Variants in ERCC3 observed in about 807,000 individuals in gnomAD.
The protein encoded by ERCC3 is general transcription and DNA repair factor IIH helicase/translocase subunit XPB.
A neutral mutation model predicts 94.2 loss-of-function variants in ERCC3; 66 were observed. The ratio of observed to expected loss-of-function variants is 0.70; its 90% CI spans 0.57 to 0.86. The LOEUF is 0.86. Among genes scored for constraint, ERCC3 ranks in the 40% least tolerant of loss-of-function variants. ERCC3 has a pLI of 0.00. For missense variants in ERCC3, 829 were observed against 987.1 expected, an observed-to-expected ratio of 0.84 and a Z score of 2.15; for synonymous variants, 349 against 369.1, an observed-to-expected ratio of 0.95 and a Z score of 0.63.
At position 127,277,186 on chromosome 2, in the gene ERCC3, C is replaced by T. The variant is rs1400311058; in HGVS notation, c.1730+1987G>A. 2.0e-5 allele frequency among the ~76,000 whole-genome samples: 3 copies of T among 152,128 alleles called. No homozygotes were observed. The South Asian group carries it at 6.2e-4, about 31-fold the overall frequency. On this transcript the variant is annotated intron_variant, in intron 10 of 14. Transcript: ENST00000285398. The surrounding 1 kb of genome is among the most constrained non-coding windows in gnomAD (Gnocchi z 5.1). ...AGCTGGTGGTGTCTCTAGTCCTAGA[C>T]AGCAAGCAGGCCAGAACAGAGTAAG...
chr2:127,292,199 T>C (rs757062060), intron 3 of ERCC3: 1 of 332,100 alleles, frequency 3.0e-6, no homozygotes, highest in Non-Finnish European at 5.9e-6. Context: ...TCCAAATACA[T>C]TACCATTGGA....
intron 12 of ERCC3, 169 bp from the exon 13 acceptor site, chr2:127,261,515 T>A: frequency 1.5e-6 from 1 of 686,472 alleles, no homozygotes; most frequent in Non-Finnish European, 2.7e-6. Context: ...AAGTCTTTTG[T>A]GCTTCCAAGG....
rs1684665590 is a variant in ERCC3, at chr2:127,274,330, AG to A, written c.1731-1370del. 6.6e-6 allele frequency among the ~76,000 whole-genome samples: 1 copy of A among 151,558 alleles called. No homozygotes were observed. The highest frequency in any genetic ancestry group is 2.4e-5 in the African/African-American group (1 of 41,254). ...ACTCCGTCTCAGAAAAAAAAAAAAAAGAAAAAGAAAAGAAAAAAATCCAGCC... is the reference window on the plus strand; with the variant it reads ...ACTCCGTCTCAGAAAAAAAAAAAAAAAAAAAGAAAAGAAAAAAATCCAGCC... On this transcript the variant is annotated intron_variant, in intron 10 of 14. Coordinates refer to ENST00000285398, the MANE Select transcript of ERCC3 (RefSeq NM_000122.2). This position sits in a 1 kb window ranked among gnomAD's most constrained non-coding sequence, Gnocchi z 4.0.
At chr2:127,290,334 C>T (rs1685225671) in intron 3 of ERCC3, 61 bp from the exon 4 acceptor site, 1 of 1,305,870 alleles carries the variant, frequency 7.7e-7, no homozygotes, top group South Asian at 1.2e-5. Flanking sequence ...ACATTCATTA[C>T]TGGTCACATC....
intron 13 of ERCC3, chr2:127,260,979 C>T: frequency 2.0e-6 from 1 of 505,660 alleles, no homozygotes; most frequent in South Asian, 2.0e-5. Context: ...GAGAAAGCAG[C>T]CCTGCGGGGC....
rs763746043 is a variant in ERCC3 at position 127,293,532 on chromosome 2, G to A, written c.215C>T (p.Thr72Ile). The A allele has an allele frequency of 2.5e-6, 4 of 1,614,040 alleles. No homozygotes were observed. The highest frequency in any genetic ancestry group is 2.5e-6 in the Non-Finnish European group (3 of 1,180,038). ...RLQMPLKDDH[T>I]SRPLWVAPDG... Reference sequence around the variant, plus strand: ...GCTTACCACCCAGAGGGGCCTGGAGGTGTGGTCGTCCTTCAGCGGCATTTG... The same window carrying A: ...GCTTACCACCCAGAGGGGCCTGGAGATGTGGTCGTCCTTCAGCGGCATTTG... Residue 72 changes from threonine (T) to isoleucine (I), a missense_variant, in exon 2 of 15, where the codon ACC (threonine) becomes ATC (isoleucine). Coordinates refer to ENST00000285398, the MANE Select transcript of ERCC3 (RefSeq NM_000122.2).
chr2:127,286,712 T>G lies in ERCC3; in HGVS notation c.1333A>C (p.Thr445Pro). ...WGLMILDEVH[T>P]IPAKMFRRVL... ...GCTCCAGCCTGCTTACCTGGTATGG[T>G]GTGCACTTCATCCAGGATCATGAGG... Residue 445 changes from threonine (T) to proline (P), a missense_variant, in exon 8 of 15, where the codon ACC (threonine) becomes CCC (proline). Transcript: ENST00000285398. The G allele has an allele frequency of 3.7e-6, 6 of 1,613,884 alleles. No homozygotes were observed. Among genetic ancestry groups the G allele is most frequent in the Non-Finnish European group, 5.1e-6 (6 of 1,179,876 alleles).
At chr2:127,268,314 C>T (rs773831253) in intron 12 of ERCC3, among the ~76,000 whole-genome samples, 1 of 151,566 alleles carries the variant, frequency 6.6e-6, no homozygotes. Context: ...GGTGGAATAC[C>T]GTGGTGAGAT....
chr2:127,286,823 T>A lies in ERCC3; in HGVS notation c.1222A>T (p.Ser408Cys). ...GTGTGGCCCAGCATGGAGTAGGTGC[T>A]AATGGCAACGGAGCAGCCGATGGGC... ...DKPIGCSVAISTYSMLGHTTK... is the reference protein window; with the variant it reads ...DKPIGCSVAICTYSMLGHTTK... The change falls in exon 8 of 15, where the codon AGC (serine) becomes TGC (cysteine). Residue 408 changes from serine to cysteine, a missense_variant. Coordinates refer to ENST00000285398, the MANE Select transcript of ERCC3 (RefSeq NM_000122.2). 1 of 1,614,222 alleles carries A rather than the reference T, an allele frequency of 6.2e-7. No homozygotes were observed. Among genetic ancestry groups the A allele is most frequent in the East Asian group, 2.2e-5 (1 of 44,886 alleles).
Position 127,259,202 on chromosome 2 carries a change from C to T in ERCC3, c.2217+94G>A. ...AACATTTCCAAAAAAATCCCATGGG[C>T]CCATCCAGGCAGGACTACATGTCTG... On this transcript the variant is annotated intron_variant, in intron 14 of 14. Coordinates refer to ENST00000285398, the MANE Select transcript of ERCC3 (RefSeq NM_000122.2). The surrounding 1 kb of genome is among the most constrained non-coding windows in gnomAD (Gnocchi z 4.9). 1 of 1,427,762 alleles carries T rather than the reference C, an allele frequency of 7.0e-7. No homozygotes were observed. The highest frequency in any genetic ancestry group is 9.8e-7 in the Non-Finnish European group (1 of 1,016,348). 88.4% of individuals were successfully genotyped at this position (1,427,762 alleles called of 1,614,324 possible). A position where few individuals can be genotyped will look rare whatever the true frequency, so the allele number is the denominator to read the frequency against.
At chr2:127,270,071 A>G (rs1684503123) in intron 12 of ERCC3, among the ~76,000 whole-genome samples, 1 of 152,142 alleles carries the variant, frequency 6.6e-6, no homozygotes, top group African/African-American at 2.4e-5. Context: ...AATTAGAGTA[A>G]GGAATAAGTA....
In ERCC3 at chr2:127,288,090, T is replaced by A. The variant is rs1395040463; in HGVS notation, c.1027+570A>T. On this transcript the variant is annotated intron_variant, in intron 7 of 14. Coordinates refer to ENST00000285398, the MANE Select transcript of ERCC3 (RefSeq NM_000122.2). ...GTAAGTCCTCAGTGGGGTCCCAAGG[T>A]GAGTCTGCTGTGGTCTCTGGCCAAG... Among the ~76,000 whole-genome samples, 3 of 152,080 alleles carry A rather than the reference T, an allele frequency of 2.0e-5. No individual in the cohort carries two copies. In the East Asian group the frequency reaches 5.8e-4, roughly 29 times the overall value.
At position 127,287,076 on chromosome 2, in the gene ERCC3, A is replaced by G. The variant is rs574467723; in HGVS notation, c.1028-59T>C. On this transcript the variant is annotated intron_variant, in intron 7 of 14. Coordinates refer to ENST00000285398, the MANE Select transcript of ERCC3 (RefSeq NM_000122.2). Reference sequence around the variant, plus strand: ...ACAGGTTGAAATGAAGGACAGGGACAGGCAGAATGACTCACAAGTACAGCA... The same window carrying G: ...ACAGGTTGAAATGAAGGACAGGGACGGGCAGAATGACTCACAAGTACAGCA... The G allele has an allele frequency of 1.5e-5, 21 of 1,358,380 alleles. No individual in the cohort carries two copies. The African/African-American group carries it at 2.8e-4, about 18-fold the overall frequency. 84.1% of individuals were successfully genotyped at this position (1,358,380 alleles called of 1,614,324 possible).
At position 127,286,710 on chromosome 2, in the gene ERCC3, G is replaced by A. The variant is rs4150422; in HGVS notation, c.1335C>T (p.Thr445=). The A allele has an allele frequency of 8.3e-4, 1,333 of 1,613,726 alleles. 10 individuals carry two copies. The African/African-American group carries it at 0.014, about 17-fold the overall frequency. ...CAGCTCCAGCCTGCTTACCTGGTATGGTGTGCACTTCATCCAGGATCATGA... is the reference window on the plus strand; with the variant it reads ...CAGCTCCAGCCTGCTTACCTGGTATAGTGTGCACTTCATCCAGGATCATGA... ...WGLMILDEVH[T]IPAKMFRRVL... The change falls in exon 8 of 15, where the codon ACC becomes ACT. Residue 445 remains threonine, a synonymous_variant. Coordinates refer to ENST00000285398, the MANE Select transcript of ERCC3 (RefSeq NM_000122.2).
At chr2:127,292,099 G>A (rs1379183313) in intron 3 of ERCC3, 3 of 227,692 alleles carry the variant, frequency 1.3e-5, no homozygotes, top group Admixed American at 1.0e-4. Flanking sequence ...AAGAAGGGCA[G>A]GTGAGAGAAA....
chr2:127,283,259 A>C (rs1387845773), intron 8 of ERCC3, among the ~76,000 whole-genome samples: 1 of 152,104 alleles, frequency 6.6e-6, no homozygotes, highest in African/African-American at 2.4e-5. Flanking sequence ...CTTTAGAGTC[A>C]TCCATCTCTG....
In ERCC3 at chr2:127,259,259, G is replaced by A. The variant is rs989050582; in HGVS notation, c.2217+37C>T. 1.2e-6 allele frequency: 2 copies of A among 1,612,596 alleles called. No homozygotes were observed. The highest frequency in any genetic ancestry group is 3.3e-5 in the Admixed American group (2 of 60,004). On this transcript the variant is annotated intron_variant, in intron 14 of 14. Coordinates refer to ENST00000285398, the MANE Select transcript of ERCC3 (RefSeq NM_000122.2). This position sits in a 1 kb window ranked among gnomAD's most constrained non-coding sequence, Gnocchi z 4.9. Reference sequence around the variant, plus strand: ...TGTCTACAAACGCTGCCCTGTGAGAGCACTGACACCTGGAACCTCCTCACC... The same window carrying A: ...TGTCTACAAACGCTGCCCTGTGAGAACACTGACACCTGGAACCTCCTCACC...
chr2:127,293,935 T>C (rs775372891), intron 1 of ERCC3, 119 bp downstream of exon 1: 4 of 1,533,034 alleles, frequency 2.6e-6, no homozygotes, highest in Non-Finnish European at 3.5e-6. Flanking sequence ...CCCAACGGGG[T>C]GCGCGCGGGA....
Position 127,289,516 on chromosome 2 carries a change from G to C in ERCC3, c.658-15C>G. 1 of 1,612,292 alleles carries C rather than the reference G, an allele frequency of 6.2e-7. No individual in the cohort carries two copies. On this transcript the variant is annotated splice_polypyrimidine_tract_variant and intron_variant, in intron 5 of 14. Transcript: ENST00000285398. ...GTCTTAGAAATCTGTGAGAGAGGTA[G>C]GTGCTGAACGTGCACACAACATTTA...
Sources: allele counts gnomAD v4.1 joint callset (sites outside exome capture counted in the v4.1 genomes callset), GRCh38; gene constraint gnomAD v4.1.1; non-coding constraint Gnocchi (gnomAD v3.1); transcripts MANE v1.5; gene names NCBI Gene and HGNC (gene_info 2026-07-23, HGNC 2026-07-21).